The following ZSCAN2 variants were observed in gnomAD, a reference collection of about 807,000 sequenced individuals.
ZSCAN2 encodes the protein zinc finger and SCAN domain-containing protein 2.
In ZSCAN2, 26 loss-of-function variants were observed where a neutral mutation model predicts 47.8. The observed-to-expected ratio is 0.54, with a 90% CI of 0.40 to 0.75. The LOEUF is 0.75. ZSCAN2 is among the 30% of genes least tolerant of loss of function. The pLI, the probability that ZSCAN2 is intolerant of heterozygous loss-of-function variation, is 0.00. For synonymous variants in ZSCAN2, 305 were observed against 288.7 expected (o/e 1.06, Z -0.57); for missense variants, 732 against 785.4 (o/e 0.93, Z 0.81).
rs1188649205 is a variant in ZSCAN2 at position 84,622,421 on chromosome 15, C to T, written c.*381C>T. 3 of 596,428 alleles carry T rather than the reference C, an allele frequency of 5.0e-6. No individual in the cohort carries two copies. The highest frequency in any genetic ancestry group is 9.1e-6 in the Non-Finnish European group (3 of 329,542). 36.9% of individuals were successfully genotyped at this position (596,428 alleles called of 1,614,324 possible). ...CGTGGGCCGAGTCCTCAGAGAAATA[C>T]TGGAAATCATTGGTGTGGTTCTGGT... On this transcript the variant is annotated 3_prime_UTR_variant, in exon 3 of 3. Transcript: ENST00000546148.
At chr15:84,620,405 T>G (rs1045062498) in intron 2 of ZSCAN2, among the ~76,000 whole-genome samples, 197 bp from the exon 3 acceptor site, 17 of 152,224 alleles carry the variant, frequency 1.1e-4, no homozygotes, top group Admixed American at 1.0e-3. Flanking sequence ...ATTGAACATG[T>G]GTGTGCATGT....
In ZSCAN2 at chr15:84,601,059, C is replaced by G. The variant is rs1392525635; in HGVS notation, c.-185C>G. The G allele has an allele frequency of 6.6e-6, 1 of 152,518 alleles. No individual in the cohort carries two copies. The highest frequency in any genetic ancestry group is 2.4e-5 in the African/African-American group (1 of 41,464). 9.4% of individuals were successfully genotyped at this position (152,518 alleles called of 1,614,324 possible). On this transcript the variant is annotated 5_prime_UTR_variant, in exon 1 of 3. It adds an upstream start codon to the 5' untranslated region. Coordinates refer to ENST00000546148, the MANE Select transcript of ZSCAN2 (RefSeq NM_181877.4). ...CCCACGGGCTTGAGCCGGGGTGAAT[C>G]TGGAGGGGCCGGGCCGAGCCCGGGG...
At position 84,610,300 on chromosome 15, in the gene ZSCAN2, T is replaced by TC. The variant is rs1895506399; in HGVS notation, c.406+5967_406+5968insC. Reference sequence around the variant, plus strand: ...TCCCAGATGGATTACAGATCTGTAATAGACAGGATCTGAAATGACATGTGA... The same window carrying TC: ...TCCCAGATGGATTACAGATCTGTAATCAGACAGGATCTGAAATGACATGTGA... On this transcript the variant is annotated intron_variant, in intron 2 of 2. Coordinates refer to ENST00000546148, the MANE Select transcript of ZSCAN2 (RefSeq NM_181877.4). Among the ~76,000 whole-genome samples, 18 of 152,280 alleles carry TC rather than the reference T, an allele frequency of 1.2e-4. No homozygotes were observed. In the South Asian group the frequency reaches 3.3e-3, roughly 28 times the overall value.
intron 2 of ZSCAN2, chr15:84,606,401 CTG>C: frequency 1.4e-6 from 1 of 735,542 alleles, no homozygotes; most frequent in South Asian, 1.5e-5. Flanking sequence ...AAACCCAGAC[CTG>C]TCTCTTTCTG....
At chr15:84,607,793 G>A (rs1209484063) in intron 2 of ZSCAN2, among the ~76,000 whole-genome samples, 1 of 152,196 alleles carries the variant, frequency 6.6e-6, no homozygotes. Context: ...ACAGGCGTGA[G>A]CCACCACGCC....
intron 2 of ZSCAN2, among the ~76,000 whole-genome samples, chr15:84,607,696 AC>A (rs1239503298): frequency 6.6e-6 from 1 of 151,948 alleles, no homozygotes; most frequent in Non-Finnish European, 1.5e-5. Context: ...TTTAGTAGAG[AC>A]AGAGTTTCAC....
rs772311429 is a variant in ZSCAN2, at chr15:84,604,188, G to T, written c.261G>T (p.Trp87Cys). Residue 87 changes from tryptophan to cysteine, a missense_variant, in exon 2 of 3, where the codon TGG (tryptophan) becomes TGT (cysteine). Physicochemically the swap from Trp to Cys is radical, Grantham distance 215 (BLOSUM62 -2). This residue lies in a region of ZSCAN2 where 320 missense variants were observed against 287.4 expected (regional missense o/e 1.11). Transcript: ENST00000546148. ...LGRLRELCRR[W>C]LRPEVHTKEQ... ...GCCTCCGAGAGCTCTGCCGGCGCTG[G>T]CTGAGACCAGAGGTACACACCAAGG... The T allele has an allele frequency of 1.4e-5, 22 of 1,613,724 alleles. No homozygotes were observed. Among genetic ancestry groups the T allele is most frequent in the Non-Finnish European group, 1.5e-5 (18 of 1,179,880 alleles).
At position 84,621,284 on chromosome 15, in the gene ZSCAN2, A is replaced by G; in HGVS notation, c.1089A>G (p.Glu363=). Residue 363 remains glutamate (E), a synonymous_variant, in exon 3 of 3, where the codon GAA becomes GAG. Transcript: ENST00000546148. The surrounding 1 kb of genome is among the most constrained non-coding windows in gnomAD (Gnocchi z 5.7). ...TCCACACTGGAGAAAAGCCCTACGA[A>G]TGTAAAGAATGCGGCGAAAGCTTTA... is the stretch of plus-strand genomic sequence containing the variant. ...QGIHTGEKPY[E]CKECGESFSY... is the part of the protein sequence containing the mutation. 1 of 1,613,934 alleles carries G rather than the reference A, an allele frequency of 6.2e-7. No individual in the cohort carries two copies. Among genetic ancestry groups the G allele is most frequent in the Non-Finnish European group, 8.5e-7 (1 of 1,179,982 alleles).
At chr15:84,606,613 A>C in intron 2 of ZSCAN2, 1 of 1,612,574 alleles carries the variant, frequency 6.2e-7, no homozygotes, top group South Asian at 1.1e-5. Flanking sequence ...TATGGAGGAG[A>C]GAGTGATGGA....
Position 84,603,991 on chromosome 15 carries a change from G to A in ZSCAN2, c.64G>A (p.Glu22Lys). 1 of 1,614,058 alleles carries A rather than the reference G, an allele frequency of 6.2e-7. No individual in the cohort carries two copies. The highest frequency in any genetic ancestry group is 8.5e-7 in the Non-Finnish European group (1 of 1,180,012). ...PLSSLVQVPQ[E>K]EDRQEEEVTT... is the part of the protein sequence containing the mutation. ...GAGCTCCTTGGTCCAGGTGCCTCAAGAGGAAGATAGACAGGAGGAGGAGGT... is the reference window on the plus strand; with the variant it reads ...GAGCTCCTTGGTCCAGGTGCCTCAAAAGGAAGATAGACAGGAGGAGGAGGT... The change falls in exon 2 of 3, where the codon GAG becomes AAG. Residue 22 changes from glutamate to lysine, a missense_variant. By Grantham distance (56) the Glu-to-Lys change is moderately conservative. Transcript: ENST00000546148.
chr15:84,622,843 T>A lies in ZSCAN2; in HGVS notation c.*803T>A, dbSNP rs1383413756. The A allele has an allele frequency of 4.8e-6, 3 of 619,554 alleles. No individual in the cohort carries two copies. Among genetic ancestry groups the A allele is most frequent in the Non-Finnish European group, 8.8e-6 (3 of 340,424 alleles). The allele number at this position is 619,554 out of a possible 1,614,324, so 38.4% of individuals were successfully genotyped here. The stretch of plus-strand genomic sequence containing the variant: ...ACACATTTGTTCTCGTGGGGTTTTG[T>A]CCTGGAGAGTGTAGTGAAGTCCGAG... On this transcript the variant is annotated 3_prime_UTR_variant, in exon 3 of 3. Transcript: ENST00000546148.
At chr15:84,617,781 C>CA (rs1331266694) in intron 2 of ZSCAN2, among the ~76,000 whole-genome samples, 1 of 151,742 alleles carries the variant, frequency 6.6e-6, no homozygotes, top group African/African-American at 2.4e-5. Flanking sequence ...TACAAAAATA[C>CA]AAAAAAATTA....
intron 2 of ZSCAN2, among the ~76,000 whole-genome samples, chr15:84,605,962 T>C (rs1472269640): frequency 6.6e-6 from 1 of 152,248 alleles, no homozygotes; most frequent in Non-Finnish European, 1.5e-5. Context: ...TGTGCCTTTG[T>C]ACCAGGCAGA....
chr15:84,606,632 G>T (rs1453232100), intron 2 of ZSCAN2: 1 of 1,609,790 alleles, frequency 6.2e-7, no homozygotes, highest in Non-Finnish European at 8.5e-7. Context: ...GAGGGCTGAG[G>T]AGAGGCCTCA....
chr15:84,621,757 A>G lies in ZSCAN2; in HGVS notation c.1562A>G (p.Gln521Arg). The stretch of plus-strand genomic sequence containing the variant: ...CAGCGCTCCCAGCTCGTAGTGCACC[A>G]GCGGACCCACACGGGCGAGAAGCCC... The part of the protein sequence containing the change: ...FSQRSQLVVH[Q>R]RTHTGEKPYK... Residue 521 changes from glutamine to arginine, a missense_variant, in exon 3 of 3, where the codon CAG becomes CGG. Coordinates refer to ENST00000546148, the MANE Select transcript of ZSCAN2 (RefSeq NM_181877.4). This position sits in a 1 kb window ranked among gnomAD's most constrained non-coding sequence, Gnocchi z 5.7. 1.2e-6 allele frequency: 2 copies of G among 1,614,244 alleles called. No homozygotes were observed. The highest frequency in any genetic ancestry group is 1.7e-6 in the Non-Finnish European group (2 of 1,180,030).
intron 2 of ZSCAN2, among the ~76,000 whole-genome samples, chr15:84,614,006 T>TTCC (rs57369477): frequency 2.6e-5 from 3 of 116,192 alleles, no homozygotes; most frequent in African/African-American, 6.1e-5. Context: ...TTTTTTTTTT[T>TTCC]CAGAGACAGA....
chr15:84,613,719 G>A (rs916797841), intron 2 of ZSCAN2, among the ~76,000 whole-genome samples: 2 of 151,156 alleles, frequency 1.3e-5, no homozygotes, highest in Admixed American at 6.6e-5. Flanking sequence ...CTGTCACCCA[G>A]GCTGGAGTGC....
At chr15:84,614,006 TCA>T (rs1375139829) in intron 2 of ZSCAN2, among the ~76,000 whole-genome samples, 8 of 116,178 alleles carry the variant, frequency 6.9e-5, no homozygotes, top group African/African-American at 9.2e-5. Flanking sequence ...TTTTTTTTTT[TCA>T]GAGACAGAGT....
Position 84,623,642 on chromosome 15 carries a change from G to T in ZSCAN2, c.*1602G>T, listed in dbSNP as rs1895861295. On this transcript the variant is annotated 3_prime_UTR_variant, in exon 3 of 3. Coordinates refer to ENST00000546148, the MANE Select transcript of ZSCAN2 (RefSeq NM_181877.4). ...GAAACTGCCTCCTCCTACACATGGGGCCTGTGCTCAGAATGGGCTTAGTTC... is the reference window on the plus strand; with the variant it reads ...GAAACTGCCTCCTCCTACACATGGGTCCTGTGCTCAGAATGGGCTTAGTTC... 1 of 167,230 alleles carries T rather than the reference G, an allele frequency of 6.0e-6. No homozygotes were observed. The highest frequency in any genetic ancestry group is 1.5e-5 in the Non-Finnish European group (1 of 68,258). 10.4% of individuals were successfully genotyped at this position (167,230 alleles called of 1,614,324 possible). A position where few individuals can be genotyped will look rare whatever the true frequency, so the allele number is the denominator to read the frequency against.
Sources: gnomAD v4.1 joint callset for allele counts (sites outside exome capture counted in the v4.1 genomes callset) on GRCh38, gnomAD v4.1.1 for gene constraint, gnomAD v4.1.1 regional missense constraint, Gnocchi (gnomAD v3.1) non-coding constraint, MANE v1.5 for transcripts, NCBI Gene and HGNC (gene_info 2026-07-23, HGNC 2026-07-21) for gene names.